ANXA8: variants seen among roughly 807,000 people sequenced by gnomAD.
The protein encoded by ANXA8 is VAC-beta.
Under a neutral mutation model 26.8 loss-of-function variants are expected in ANXA8, and 9 were observed. The observed-to-expected ratio is 0.34, with a 90% confidence interval of 0.20 to 0.59. The LOEUF is 0.59. Among genes scored for constraint, ANXA8 ranks in the 20% least tolerant of loss-of-function variants. The pLI is 0.84. For synonymous variants in ANXA8, 39 were observed against 94.8 expected (o/e 0.41, Z 3.42); for missense variants, 83 against 238.5 (o/e 0.35, Z 4.29).
chr10:47,666,827 C>A, the ANXA8 span, among the ~76,000 whole-genome samples: 1 of 151,922 alleles, frequency 6.6e-6, no homozygotes, highest in African/African-American at 2.4e-5. Flanking sequence ...TCATAGGTAA[C>A]CATCCTCAAC....
the ANXA8 span, among the ~76,000 whole-genome samples, chr10:47,932,919 T>C: frequency 5.5e-5 from 3 of 54,732 alleles, no homozygotes; most frequent in East Asian, 9.6e-4. Context: ...GCTTAAGGCA[T>C]TTTGTCACAG....
the ANXA8 span, among the ~76,000 whole-genome samples, chr10:47,977,610 TAA>T: frequency 2.0e-5 from 3 of 151,338 alleles, no homozygotes; most frequent in African/African-American, 7.3e-5. Flanking sequence ...AGCATATCAA[TAA>T]AGAGATAGAA....
At chr10:47,899,596 G>A in the ANXA8 span, among the ~76,000 whole-genome samples, 9 of 49,988 alleles carry the variant, frequency 1.8e-4, 4 homozygotes, top group Admixed American at 1.6e-3. Flanking sequence ...TGCAAGCTCC[G>A]CCTCCTGGGT....
chr10:47,733,143 A>ATCTTTTTCTT, the ANXA8 span, among the ~76,000 whole-genome samples: 35 of 98,136 alleles, frequency 3.6e-4, no homozygotes, highest in Admixed American at 9.6e-4. Flanking sequence ...CAACTCCCTA[A>ATCTTTTTCTT]TCTTTCTTTC....
chr10:47,986,953 C>A, the ANXA8 span: 1 of 515,810 alleles, frequency 1.9e-6, no homozygotes, highest in South Asian at 1.5e-5. Context: ...CGAGGGGGGA[C>A]GCGACCTCGT....
chr10:47,668,992 A>G, the ANXA8 span, among the ~76,000 whole-genome samples: 1 of 151,798 alleles, frequency 6.6e-6, no homozygotes, highest in African/African-American at 2.4e-5. Context: ...CTTCTGTGAG[A>G]GAGTGAGGGA....
the ANXA8 span, among the ~76,000 whole-genome samples, chr10:47,563,315 T>TA: frequency 1.2e-5 from 1 of 80,304 alleles, no homozygotes; most frequent in African/African-American, 5.1e-5. Flanking sequence ...AAAAGGAACA[T>TA]AAAAAAGCCT....
chr10:47,667,831 G>A, the ANXA8 span, among the ~76,000 whole-genome samples: 1 of 151,982 alleles, frequency 6.6e-6, no homozygotes, highest in Non-Finnish European at 1.5e-5. Context: ...TCCGCCTACT[G>A]GGTTCAAGCC....
At chr10:47,953,781 A>G in the ANXA8 span, among the ~76,000 whole-genome samples, 2 of 150,844 alleles carry the variant, frequency 1.3e-5, no homozygotes, top group Non-Finnish European at 2.9e-5. Context: ...ACACATAGGC[A>G]TATGAAAAGG....
the ANXA8 span, among the ~76,000 whole-genome samples, chr10:47,955,434 C>G: frequency 6.7e-6 from 1 of 149,264 alleles, no homozygotes; most frequent in Admixed American, 6.7e-5. Flanking sequence ...TGTACTTACA[C>G]AAACCTAAAT....
chr10:47,576,469 T>C, the ANXA8 span, among the ~76,000 whole-genome samples: 1 of 121,544 alleles, frequency 8.2e-6, no homozygotes. Context: ...TTTTTTTTTT[T>C]TTTTTGAGAT....
the ANXA8 span, among the ~76,000 whole-genome samples, chr10:47,558,567 G>A: frequency 6.8e-6 from 1 of 146,434 alleles, no homozygotes; most frequent in Non-Finnish European, 1.5e-5. Context: ...GTGTGTGTGT[G>A]TGTAGAAATG....
At chr10:47,617,241 T>C in the ANXA8 span, among the ~76,000 whole-genome samples, 13 of 146,654 alleles carry the variant, frequency 8.9e-5, no homozygotes, top group African/African-American at 3.1e-4. Context: ...TATGCATAAA[T>C]CTGAGGACAA....
At chr10:47,695,721 TAGATCCTGCCTTAG>T in the ANXA8 span, among the ~76,000 whole-genome samples, 30,943 of 151,110 alleles carry the variant, frequency 0.2, 3,704 homozygotes, top group East Asian at 0.53. Flanking sequence ...GTATGCTGAT[TAGATCCTGCCTTAG>T]AGATAGCTCC....
At chr10:47,645,966 G>A in the ANXA8 span, among the ~76,000 whole-genome samples, 173 of 148,986 alleles carry the variant, frequency 1.2e-3, no homozygotes, top group Admixed American at 2.4e-3. Flanking sequence ...CATGCAGGCA[G>A]GAGATTGTGG....
chr10:47,681,523 CTTTTTTTTT>C, the ANXA8 span, among the ~76,000 whole-genome samples: 1 of 81,284 alleles, frequency 1.2e-5, no homozygotes, highest in South Asian at 4.1e-4. Flanking sequence ...TTTATTTTTA[CTTTTTTTTT>C]TTTTTTTTTT....
chr10:47,565,485 C>T, the ANXA8 span: 10 of 392,366 alleles, frequency 2.5e-5, no homozygotes, highest in East Asian at 3.3e-4. Context: ...CCCGGCGGCC[C>T]GGGCCCAGCG....
chr10:47,953,486 G>T, the ANXA8 span, among the ~76,000 whole-genome samples: 1 of 150,834 alleles, frequency 6.6e-6, no homozygotes, highest in Non-Finnish European at 1.5e-5. Context: ...CAGGATTAAT[G>T]CTGTCACTTC....
At chr10:47,959,797 A>G in the ANXA8 span, among the ~76,000 whole-genome samples, 4 of 150,486 alleles carry the variant, frequency 2.7e-5, no homozygotes, top group Non-Finnish European at 4.4e-5. Flanking sequence ...GGTGAGCTCT[A>G]TGACTTCTCT....
Sources: allele counts gnomAD v4.1 joint callset (sites outside exome capture counted in the v4.1 genomes callset), GRCh38; gene constraint gnomAD v4.1.1; transcripts MANE v1.5; gene names NCBI Gene and HGNC (gene_info 2026-07-23, HGNC 2026-07-21).